The following STK38 variants were observed in gnomAD, a reference collection of about 807,000 sequenced individuals.
STK38 encodes the protein serine/threonine-protein kinase 38.
In STK38, 26 loss-of-function variants were observed where a neutral mutation model predicts 59.0. The ratio of observed to expected loss-of-function variants is 0.44; its 90% CI spans 0.32 to 0.61. STK38 has a LOEUF of 0.61. Among genes scored for constraint, STK38 ranks in the 20% least tolerant of loss-of-function variants. STK38 has a pLI of 0.04. For missense variants in STK38, 433 were observed against 566.0 expected (o/e 0.76, Z 2.38); for synonymous variants, 175 against 176.6 (o/e 0.99, Z 0.07).
intron 9 of STK38, among the ~76,000 whole-genome samples, chr6:36,500,922 C>T (rs1776823327): frequency 6.6e-6 from 1 of 151,774 alleles, no homozygotes; most frequent in South Asian, 2.1e-4. Context: ...ACCTATTTAC[C>T]AAACTTAATT....
At chr6:36,513,893 C>G (rs534605133) in intron 7 of STK38, among the ~76,000 whole-genome samples, 1 of 146,548 alleles carries the variant, frequency 6.8e-6, no homozygotes, top group Non-Finnish European at 1.5e-5. Flanking sequence ...TGGTGGCTCA[C>G]GCCTGTAATC....
Position 36,497,850 on chromosome 6 carries a change from T to G in STK38, c.1102A>C (p.Ile368Leu). The G allele has an allele frequency of 6.2e-7, 1 of 1,613,580 alleles. No individual in the cohort carries two copies. Among genetic ancestry groups the G allele is most frequent in the Non-Finnish European group, 8.5e-7 (1 of 1,179,810 alleles). ...LRFCCEWEHR[I>L]GAPGVEEIKS... Reference sequence around the variant, plus strand: ...ATTTCCTCAACTCCAGGAGCTCCAATTCTATGTTCCCATTCACAGCAGAAC... The same window carrying G: ...ATTTCCTCAACTCCAGGAGCTCCAAGTCTATGTTCCCATTCACAGCAGAAC... The change falls in exon 12 of 14, where the codon ATT becomes CTT. Residue 368 changes from isoleucine (I) to leucine (L), a missense_variant. Transcript: ENST00000229812.
At chr6:36,522,597 C>T (rs1370824617) in intron 4 of STK38, 1 of 152,034 alleles carries the variant, frequency 6.6e-6, no homozygotes, top group Non-Finnish European at 1.5e-5. Context: ...TAGCTCACAC[C>T]TATAATCTCA....
intron 6 of STK38, among the ~76,000 whole-genome samples, chr6:36,516,720 A>G (rs1777263214): frequency 6.6e-6 from 1 of 152,188 alleles, no homozygotes; most frequent in Admixed American, 6.5e-5. Context: ...TCAGGAGAGC[A>G]GTCAATGGGG....
chr6:36,512,274 A>C (rs1777128983), intron 7 of STK38, among the ~76,000 whole-genome samples: 1 of 152,170 alleles, frequency 6.6e-6, no homozygotes, highest in Non-Finnish European at 1.5e-5. Context: ...TACAAGTGTG[A>C]GCTAGCATAA....
At chr6:36,525,497 A>C in intron 3 of STK38, 94 bp downstream of exon 3, 1 of 1,198,108 alleles carries the variant, frequency 8.3e-7, no homozygotes, top group Non-Finnish European at 1.2e-6. Flanking sequence ...ATTGAGCCAA[A>C]ACCCTTCTCA....
At chr6:36,506,558 T>G (rs764673196) in intron 9 of STK38, 25 bp downstream of exon 9, 17 of 1,605,650 alleles carry the variant, frequency 1.1e-5, no homozygotes, top group Non-Finnish European at 1.4e-5. Context: ...TTTGTAGCAT[T>G]TCAGAAGCCA....
At chr6:36,531,159 A>G (rs1777658151) in intron 2 of STK38, among the ~76,000 whole-genome samples, 1 of 152,208 alleles carries the variant, frequency 6.6e-6, no homozygotes, top group Non-Finnish European at 1.5e-5. Flanking sequence ...ATAATCACAT[A>G]TTTCTACTTA....
chr6:36,520,907 CCT>C (rs1046812767), intron 5 of STK38, among the ~76,000 whole-genome samples: 2 of 152,142 alleles, frequency 1.3e-5, no homozygotes, highest in African/African-American at 4.8e-5. Context: ...CTCCATCCCC[CCT>C]CTTTGGCCCT....
chr6:36,497,909 A>C, intron 11 of STK38, 34 bp from the exon 12 acceptor site: 11 of 1,418,056 alleles, frequency 7.8e-6, no homozygotes, highest in Non-Finnish European at 9.7e-6. Context: ...GCACATCTCA[A>C]GCAGTCTCCT....
At position 36,495,611 on chromosome 6, in the gene STK38, G is replaced by GT. The variant is rs1776682409; in HGVS notation, c.*172dup. Reference sequence around the variant, plus strand: ...GTAGAAATGGTTGTCTTTGTTTACAGTTTTTCAGATGCATTATGGAAGAAA... The same window carrying GT: ...GTAGAAATGGTTGTCTTTGTTTACAGTTTTTTCAGATGCATTATGGAAGAAA... On this transcript the variant is annotated 3_prime_UTR_variant, in exon 14 of 14. Transcript: ENST00000229812. 1.3e-6 allele frequency: 1 copy of GT among 785,020 alleles called. No individual in the cohort carries two copies. Among genetic ancestry groups the GT allele is most frequent in the Non-Finnish European group, 1.9e-6 (1 of 525,426 alleles). The allele number at this position is 785,020 out of a possible 1,614,324, so 48.6% of individuals were successfully genotyped here. A position where few individuals can be genotyped will look rare whatever the true frequency, so the allele number is the denominator to read the frequency against.
At chr6:36,507,181 C>G (rs920391754) in intron 8 of STK38, among the ~76,000 whole-genome samples, 13 of 150,288 alleles carry the variant, frequency 8.7e-5, no homozygotes, top group African/African-American at 3.3e-4. Flanking sequence ...AAATCTAGCC[C>G]AGGACAAATC....
chr6:36,530,643 A>C (rs1235901864), intron 2 of STK38, among the ~76,000 whole-genome samples: 1 of 150,468 alleles, frequency 6.6e-6, no homozygotes, highest in Non-Finnish European at 1.5e-5. Context: ...CAGGGATTAC[A>C]GGCGTGAGCC....
At chr6:36,506,757 T>G (rs544434882) in intron 8 of STK38, 113 bp from the exon 9 acceptor site, 1 of 882,736 alleles carries the variant, frequency 1.1e-6, no homozygotes, top group East Asian at 2.6e-5. Flanking sequence ...TTTCTTCTAC[T>G]CATACATCAA....
intron 1 of STK38, among the ~76,000 whole-genome samples, chr6:36,546,207 C>T (rs903534760): frequency 6.6e-6 from 1 of 152,214 alleles, no homozygotes; most frequent in Non-Finnish European, 1.5e-5. Context: ...GTGCTATGCA[C>T]TTAGCACCTT....
chr6:36,497,734 C>G (rs757287046), intron 12 of STK38, 46 bp downstream of exon 12: 2 of 1,479,524 alleles, frequency 1.4e-6, no homozygotes, highest in Non-Finnish European at 1.9e-6. Context: ...ATTAAGTAAA[C>G]TAGAGACTTT....
intron 2 of STK38, among the ~76,000 whole-genome samples, chr6:36,528,218 T>A (rs530686396): frequency 6.6e-6 from 1 of 152,240 alleles, no homozygotes; most frequent in East Asian, 1.9e-4. Context: ...TCTCATTCTG[T>A]AGACAACTGA....
chr6:36,511,411 C>T (rs1777105980), intron 7 of STK38, among the ~76,000 whole-genome samples: 1 of 151,682 alleles, frequency 6.6e-6, no homozygotes, highest in Non-Finnish European at 1.5e-5. Flanking sequence ...GGCTGAAGTG[C>T]AGTGGCGCCA....
chr6:36,544,769 G>A (rs1778020378), intron 1 of STK38, among the ~76,000 whole-genome samples: 2 of 152,280 alleles, frequency 1.3e-5, no homozygotes, highest in East Asian at 1.9e-4. Flanking sequence ...CTACTCAGGA[G>A]GCTGAGGTGG....
Sources: gnomAD v4.1 joint callset for allele counts (sites outside exome capture counted in the v4.1 genomes callset) on GRCh38, gnomAD v4.1.1 for gene constraint, MANE v1.5 for transcripts, NCBI Gene and HGNC (gene_info 2026-07-23, HGNC 2026-07-21) for gene names.